The following PPOX variants were observed in gnomAD, a reference collection of about 807,000 sequenced individuals.
PPOX encodes the protein variegate porphyria.
PPOX carries 23 observed loss-of-function variants against 54.1 expected under a neutral mutation model. The observed-to-expected ratio is 0.43, with a 90% CI of 0.31 to 0.60. PPOX has a LOEUF of 0.60. Among genes scored for constraint, PPOX ranks in the 20% least tolerant of loss-of-function variants. The pLI is 0.13. For missense variants in PPOX, 512 were observed against 601.1 expected (o/e 0.85, Z 1.55); for synonymous variants, 224 against 236.1 (o/e 0.95, Z 0.47).
chr1:161,173,810 A>G (rs1239561433), downstream of PPOX: 5 of 1,609,468 alleles, frequency 3.1e-6, no homozygotes, highest in Admixed American at 1.7e-5. Flanking sequence ...TCCTCCTTCC[A>G]CAGGATAGTA....
downstream of PPOX, chr1:161,172,143 G>A (rs890108384): frequency 9.3e-6 from 15 of 1,612,074 alleles, no homozygotes; most frequent in Non-Finnish European, 2.5e-6. Context: ...CAGAAATCTA[G>A]GGACCTTTAG....
At chr1:161,169,832 G>T (rs2101888168) in intron 8 of PPOX, 74 bp from the exon 9 acceptor site, 2 of 1,614,068 alleles carry the variant, frequency 1.2e-6, no homozygotes, top group East Asian at 4.5e-5. Context: ...CATCTCTATG[G>T]GAGTCTAATC....
chr1:161,171,766 T>TACA (rs775163116), downstream of PPOX: 2 of 1,599,696 alleles, frequency 1.3e-6, no homozygotes, highest in South Asian at 2.2e-5. Context: ...GTGGGGAGAA[T>TACA]ACAACCCCAT....
upstream of PPOX, chr1:161,166,233 G>A (rs1658831226): frequency 6.2e-6 from 6 of 966,608 alleles, no homozygotes; most frequent in Non-Finnish European, 7.4e-6. Flanking sequence ...TCGGTCCTGA[G>A]GAGGGCAGTG....
rs745879127 is a variant in PPOX, at chr1:161,168,505, C to G, written c.545C>G (p.Ser182Cys). ...AGNSRELSIRSCFPSLFQAEQ... is the reference protein window; with the variant it reads ...AGNSRELSIRCCFPSLFQAEQ... ...AACAGCCGTGAGCTCAGCATCAGGT[C>G]CTGCTTTCCCAGTCTCTTCCAAGCT... The change falls in exon 6 of 13, where the codon TCC becomes TGC. Residue 182 changes from serine (S) to cysteine (C), a missense_variant. By Grantham distance (112) the Ser-to-Cys change is moderately radical. Transcript: ENST00000367999. The G allele has an allele frequency of 1.9e-6, 3 of 1,614,170 alleles. No individual in the cohort carries two copies. Among genetic ancestry groups the G allele is most frequent in the South Asian group, 2.2e-5 (2 of 91,086 alleles).
chr1:161,166,709 CA>C, intron 1 of PPOX, 37 bp downstream of exon 1: 1 of 1,532,456 alleles, frequency 6.5e-7, no homozygotes. Flanking sequence ...CTCGCTGTTC[CA>C]CCAGCCCATC....
chr1:161,167,567 T>TC (rs1558022952), intron 4 of PPOX, 81 bp downstream of exon 4: 40 of 1,387,632 alleles, frequency 2.9e-5, no homozygotes, highest in South Asian at 5.7e-5. Context: ...CTTTTTTTTT[T>TC]TTTTTTTTTT....
Position 161,168,304 on chromosome 1 carries a change from A to G in PPOX, c.472-128A>G, listed in dbSNP as rs1659842649. The G allele has an allele frequency of 2.6e-6, 4 of 1,560,934 alleles. No homozygotes were observed. In the South Asian group the frequency reaches 3.4e-5, roughly 13 times the overall value. On this transcript the variant is annotated intron_variant, in intron 5 of 12. Transcript: ENST00000367999. ...ATTGGGAGTGAAGGCCTTCATTTCC[A>G]TCCGTCACAGTGGGAATGTCCCCCA...
chr1:161,174,418 GA>G (rs925363770), downstream of PPOX, among the ~76,000 whole-genome samples: 3 of 148,818 alleles, frequency 2.0e-5, no homozygotes, highest in Non-Finnish European at 3.0e-5. Context: ...AAAAAAAAAA[GA>G]AAAAAAAGAA....
chr1:161,168,112 C>G lies in PPOX; in HGVS notation c.456C>G (p.Arg152=). ...AGACTGTGCACAGTTTTGCCCAGCG[C>G]CGCCTTGGACCTGAGGTGACACTTG... The part of the protein sequence containing the change: ...PDETVHSFAQ[R]RLGPEVASLA... The change falls in exon 5 of 13, where the codon CGC becomes CGG. Residue 152 remains arginine, a synonymous_variant. Transcript: ENST00000367999. 1 of 1,614,202 alleles carries G rather than the reference C, an allele frequency of 6.2e-7. No homozygotes were observed. The highest frequency in any genetic ancestry group is 8.5e-7 in the Non-Finnish European group (1 of 1,180,046).
chr1:161,176,693 G>A, intron 4 of PPOX: 1 of 623,552 alleles, frequency 1.6e-6, no homozygotes, highest in Non-Finnish European at 2.8e-6. Context: ...AAAGGAAGAG[G>A]AGGAGCAGGA....
At chr1:161,175,412 G>A (rs1049291468), downstream of PPOX, among the ~76,000 whole-genome samples, 1 of 152,192 alleles carries the variant, frequency 6.6e-6, no homozygotes, top group South Asian at 2.1e-4. Context: ...GCTGGAAGGT[G>A]CAGGATCCTT....
Position 161,169,887 on chromosome 1 carries a change from G to T in PPOX, c.869-19G>T, listed in dbSNP as rs1381566216. ...GTAATGGGAATGCCTTCTGAGTCAG[G>T]CCTCTGCCTGATCTCTAGTGCTCAG... On this transcript the variant is annotated intron_variant, in intron 8 of 12. Coordinates refer to ENST00000367999, the MANE Select transcript of PPOX (RefSeq NM_001122764.3). The T allele has an allele frequency of 6.2e-7, 1 of 1,614,158 alleles. No homozygotes were observed. Among genetic ancestry groups the T allele is most frequent in the Non-Finnish European group, 8.5e-7 (1 of 1,180,018 alleles).
chr1:161,171,851 T>C (rs778200053), downstream of PPOX: 44 of 1,613,864 alleles, frequency 2.7e-5, no homozygotes, highest in South Asian at 6.6e-5. Context: ...TGGTTGGCAG[T>C]AGATAGAGGC....
At position 161,168,520 on chromosome 1, in the gene PPOX, T is replaced by C. The variant is rs1450157966; in HGVS notation, c.560T>C (p.Leu187Pro). ...ELSIRSCFPS[L>P]FQAEQTHRSI... ...AGCATCAGGTCCTGCTTTCCCAGTC[T>C]CTTCCAAGCTGAGCAAACCCATCGT... Residue 187 changes from leucine (L) to proline (P), a missense_variant, in exon 6 of 13, where the codon CTC (leucine) becomes CCC (proline). Physicochemically the swap from Leu to Pro is moderately conservative, Grantham distance 98. Coordinates refer to ENST00000367999, the MANE Select transcript of PPOX (RefSeq NM_001122764.3). 1 of 1,614,142 alleles carries C rather than the reference T, an allele frequency of 6.2e-7. No individual in the cohort carries two copies. The highest frequency in any genetic ancestry group is 1.1e-5 in the South Asian group (1 of 91,072).
At chr1:161,174,550 C>A (rs1036095545), downstream of PPOX, among the ~76,000 whole-genome samples, 19 of 152,154 alleles carry the variant, frequency 1.2e-4, no homozygotes, top group African/African-American at 4.6e-4. Flanking sequence ...TTGGTATGGA[C>A]CTGATACTTA....
downstream of PPOX, chr1:161,171,402 A>C: frequency 1.4e-6 from 1 of 739,134 alleles, no homozygotes; most frequent in Non-Finnish European, 2.2e-6. Flanking sequence ...TAGGCAGAAA[A>C]TGCCCAGGGA....
chr1:161,168,408 C>G lies in PPOX; in HGVS notation c.472-24C>G. 1.9e-6 allele frequency: 3 copies of G among 1,613,762 alleles called. No homozygotes were observed. In the East Asian group the frequency reaches 6.7e-5, roughly 36 times the overall value. ...GTCAGTGTAGATTATTTTTTCGCTC[C>G]TTAGTCCTAGTCTCACCCTTAAGGT... On this transcript the variant is annotated intron_variant, in intron 5 of 12. Coordinates refer to ENST00000367999, the MANE Select transcript of PPOX (RefSeq NM_001122764.3).
At chr1:161,167,286 G>C (rs1241184794) in intron 3 of PPOX, 52 bp downstream of exon 3, 2 of 1,614,118 alleles carry the variant, frequency 1.2e-6, no homozygotes, top group Non-Finnish European at 1.7e-6. Context: ...GCTTCCATTG[G>C]GGAATAGAGT....
Sources: gnomAD v4.1 joint callset for allele counts (sites outside exome capture counted in the v4.1 genomes callset) on GRCh38, gnomAD v4.1.1 for gene constraint, MANE v1.5 for transcripts, NCBI Gene and HGNC (gene_info 2026-07-23, HGNC 2026-07-21) for gene names.